LRRIQ3: variants seen among roughly 807,000 people sequenced by gnomAD.
LRRIQ3 encodes leucine-rich repeat and IQ domain-containing protein 3.
Under a neutral mutation model 59.3 loss-of-function variants are expected in LRRIQ3, and 75 were observed. The observed-to-expected ratio is 1.26, with a 90% CI of 1.05 to 1.53. LRRIQ3 has a LOEUF of 1.53. LRRIQ3 is among the 40% of genes most tolerant of loss of function. The pLI is 0.00. For synonymous variants in LRRIQ3, 250 were observed against 231.3 expected (o/e 1.08, Z -0.73); for missense variants, 831 against 710.0 (o/e 1.17, Z -1.94).
chr1:74,174,194 G>C (rs1030071306), intron 3 of LRRIQ3, among the ~76,000 whole-genome samples: 1 of 151,980 alleles, frequency 6.6e-6, no homozygotes, highest in African/African-American at 2.4e-5. Flanking sequence ...CAGTCCCATA[G>C]AGTTTCTTCA....
At chr1:74,142,156 C>T (rs1647286455) in intron 4 of LRRIQ3, among the ~76,000 whole-genome samples, 2 of 151,804 alleles carry the variant, frequency 1.3e-5, no homozygotes, top group South Asian at 4.2e-4. Context: ...CCTTTGAATT[C>T]GAAAGACTGG....
intron 5 of LRRIQ3, among the ~76,000 whole-genome samples, chr1:74,108,171 C>T (rs1421807974): frequency 6.6e-6 from 1 of 151,608 alleles, no homozygotes; most frequent in East Asian, 1.9e-4. Context: ...TATAATTACA[C>T]AACAAATTGG....
chr1:74,093,721 A>T (rs998018482), intron 5 of LRRIQ3, among the ~76,000 whole-genome samples: 1 of 152,096 alleles, frequency 6.6e-6, no homozygotes, highest in African/African-American at 2.4e-5. Context: ...GTTTCCACTC[A>T]TTCATGGTCT....
chr1:74,151,554 T>C (rs557408060), intron 4 of LRRIQ3, among the ~76,000 whole-genome samples: 4 of 145,126 alleles, frequency 2.8e-5, no homozygotes, highest in Admixed American at 1.5e-4. Flanking sequence ...AGGCATTTGA[T>C]GGATAGAAAC....
chr1:74,075,806 C>A (rs1424746094), intron 5 of LRRIQ3, among the ~76,000 whole-genome samples: 1 of 152,114 alleles, frequency 6.6e-6, no homozygotes, highest in Admixed American at 6.6e-5. Flanking sequence ...CCTTTATCAT[C>A]TCTTACTGTA....
intron 4 of LRRIQ3, among the ~76,000 whole-genome samples, chr1:74,114,688 C>T (rs914833656): frequency 1.0e-4 from 15 of 150,060 alleles, no homozygotes; most frequent in Admixed American, 3.3e-4. Context: ...TGAGCAGAGA[C>T]GGAGCCACTG....
chr1:74,039,213 G>A (rs530969456), intron 7 of LRRIQ3, among the ~76,000 whole-genome samples: 2 of 152,262 alleles, frequency 1.3e-5, no homozygotes, highest in South Asian at 4.1e-4. Context: ...CGACCAAGTA[G>A]AAGAAACGAT....
Position 74,109,163 on chromosome 1 carries a change from A to AT in LRRIQ3, c.867+230_867+231insA. 6.9e-6 allele frequency: 2 copies of AT among 289,204 alleles called. 1 individual carries two copies. The allele number at this position is 289,204 out of a possible 1,614,324, so 17.9% of individuals were successfully genotyped here. A position where few individuals can be genotyped will look rare whatever the true frequency, so the allele number is the denominator to read the frequency against. ...AAACTAAATAAAAAATTATATATAT[A>AT]AAGCATAAATTATTAAATGGTTGTG... is the stretch of plus-strand genomic sequence containing the variant. On this transcript the variant is annotated intron_variant, in intron 5 of 7. Transcript: ENST00000354431.
intron 6 of LRRIQ3, among the ~76,000 whole-genome samples, chr1:74,055,522 T>C (rs754485981): frequency 6.6e-6 from 1 of 152,194 alleles, no homozygotes; most frequent in Non-Finnish European, 1.5e-5. Context: ...CATTTATCAG[T>C]ATTTCATTCC....
At chr1:74,069,724 A>G (rs1335958571) in intron 6 of LRRIQ3, among the ~76,000 whole-genome samples, 1 of 152,064 alleles carries the variant, frequency 6.6e-6, no homozygotes, top group African/African-American at 2.4e-5. Flanking sequence ...ACAAGCTACA[A>G]GTAGGTGCAT....
chr1:74,067,972 T>C (rs1654914445), intron 6 of LRRIQ3, among the ~76,000 whole-genome samples: 1 of 152,062 alleles, frequency 6.6e-6, no homozygotes, highest in Non-Finnish European at 1.5e-5. Flanking sequence ...TTGCCAAACA[T>C]AGTCAAGTAC....
At chr1:74,180,141 G>A (rs1467762692) in intron 3 of LRRIQ3, 2 of 151,726 alleles carry the variant, frequency 1.3e-5, no homozygotes, top group Non-Finnish European at 2.9e-5. Context: ...GCAAGCTATT[G>A]AAATTCTAAA....
At chr1:74,122,476 C>G (rs1251402876) in intron 4 of LRRIQ3, among the ~76,000 whole-genome samples, 2 of 151,960 alleles carry the variant, frequency 1.3e-5, no homozygotes. Context: ...GGTACCAAAA[C>G]AGAGATATAG....
intron 3 of LRRIQ3, among the ~76,000 whole-genome samples, chr1:74,166,135 T>C (rs1311373032): frequency 1.3e-5 from 2 of 151,648 alleles, no homozygotes; most frequent in Non-Finnish European, 3.0e-5. Flanking sequence ...ACAGAATTGG[T>C]GTTACTTTTA....
At chr1:74,068,498 G>A (rs1654930642) in intron 6 of LRRIQ3, among the ~76,000 whole-genome samples, 1 of 151,896 alleles carries the variant, frequency 6.6e-6, no homozygotes, top group African/African-American at 2.4e-5. Flanking sequence ...GGCAATGCAG[G>A]GGAGCACATG....
intron 7 of LRRIQ3, among the ~76,000 whole-genome samples, chr1:74,032,560 T>C (rs1360601942): frequency 6.6e-6 from 1 of 152,104 alleles, no homozygotes. Context: ...AGCAATATCA[T>C]GTAAAACCCT....
intron 1 of LRRIQ3, among the ~76,000 whole-genome samples, chr1:74,191,642 G>A (rs370103716): frequency 1.1e-4 from 16 of 152,102 alleles, no homozygotes; most frequent in African/African-American, 3.6e-4. Context: ...CAGGCAAACA[G>A]CTGGAAAATT....
At chr1:74,106,038 T>C (rs949142103) in intron 5 of LRRIQ3, among the ~76,000 whole-genome samples, 11 of 151,942 alleles carry the variant, frequency 7.2e-5, no homozygotes, top group African/African-American at 2.2e-4. Flanking sequence ...ACCCTATAGA[T>C]AGCTTTCCTC....
At chr1:74,057,775 C>T (rs1185255081) in intron 6 of LRRIQ3, among the ~76,000 whole-genome samples, 1 of 152,016 alleles carries the variant, frequency 6.6e-6, no homozygotes, top group African/African-American at 2.4e-5. Context: ...TGCTGCACAG[C>T]AAAGGAACCA....
Sources: allele counts gnomAD v4.1 joint callset (sites outside exome capture counted in the v4.1 genomes callset), GRCh38; gene constraint gnomAD v4.1.1; transcripts MANE v1.5; gene names NCBI Gene and HGNC (gene_info 2026-07-23, HGNC 2026-07-21).